PIK3C2G: variants seen among roughly 807,000 people sequenced by gnomAD.
PIK3C2G encodes the protein phosphatidylinositol 3-kinase C2 domain-containing subunit gamma.
Under a neutral mutation model 181.1 loss-of-function variants are expected in PIK3C2G, and 168 were observed. The observed-to-expected ratio is 0.93, with a 90% CI of 0.82 to 1.05. PIK3C2G has a LOEUF of 1.05. PIK3C2G is among the 50% of genes least tolerant of loss of function. PIK3C2G has a pLI of 0.00. For synonymous variants in PIK3C2G, 573 were observed against 592.2 expected (o/e 0.97, Z 0.47); for missense variants, 1,869 against 1,732.8 (o/e 1.08, Z -1.40).
At chr12:18,293,119 A>G (rs538269187) in intron 4 of PIK3C2G, among the ~76,000 whole-genome samples, 14 of 152,152 alleles carry the variant, frequency 9.2e-5, no homozygotes, top group Non-Finnish European at 1.5e-5. Context: ...TAATACTAAC[A>G]TTATATCCCA....
At chr12:18,275,812 T>C (rs1214772992) in intron 1 of PIK3C2G, among the ~76,000 whole-genome samples, 2 of 152,222 alleles carry the variant, frequency 1.3e-5, no homozygotes, top group African/African-American at 4.8e-5. Context: ...TCAGAAAAAC[T>C]GTTACTTCCT....
At chr12:18,636,818 G>A (rs1949624398) in intron 31 of PIK3C2G, among the ~76,000 whole-genome samples, 2 of 152,092 alleles carry the variant, frequency 1.3e-5, no homozygotes, top group Non-Finnish European at 2.9e-5. Flanking sequence ...TCCCCCCAGT[G>A]ACATGGCTTT....
At chr12:18,281,972 A>G in intron 1 of PIK3C2G, 32 bp from the exon 2 acceptor site, 1 of 657,048 alleles carries the variant, frequency 1.5e-6, no homozygotes, top group Non-Finnish European at 2.6e-6. Flanking sequence ...TTCAAATTCA[A>G]TATATTTTCT....
chr12:18,286,867 G>C lies in PIK3C2G; in HGVS notation c.699G>C (p.Gln233His). 6.4e-7 allele frequency: 1 copy of C among 1,561,494 alleles called. No homozygotes were observed. The highest frequency in any genetic ancestry group is 8.7e-7 in the Non-Finnish European group (1 of 1,150,042). Residue 233 changes from glutamine (Q) to histidine (H), a missense_variant, in exon 3 of 33, where the codon CAG (glutamine) becomes CAC (histidine). Transcript: ENST00000538779. Reference sequence around the variant, plus strand: ...TTAAGTCAATAGGTTGTTCCATTCAGCTAGTGGAAGTACCTCAAAGCAGCA... The same window carrying C: ...TTAAGTCAATAGGTTGTTCCATTCACCTAGTGGAAGTACCTCAAAGCAGCA... ...KNIESIGCSI[Q>H]LVEVPQSSNT...
chr12:18,717,996 G>C, the PIK3C2G span, among the ~76,000 whole-genome samples: 1 of 152,106 alleles, frequency 6.6e-6, no homozygotes, highest in African/African-American at 2.4e-5. Flanking sequence ...TCAGCCACAT[G>C]ATCACAAGGG....
chr12:18,339,379 G>T (rs998525287), intron 9 of PIK3C2G, among the ~76,000 whole-genome samples: 2 of 152,062 alleles, frequency 1.3e-5, no homozygotes, highest in African/African-American at 4.8e-5. Flanking sequence ...ATGTCATAAA[G>T]TTGGTATTTT....
At chr12:18,395,601 A>C (rs1269608545) in intron 15 of PIK3C2G, among the ~76,000 whole-genome samples, 1 of 150,248 alleles carries the variant, frequency 6.7e-6, no homozygotes, top group Non-Finnish European at 1.5e-5. Flanking sequence ...AAATATGTAA[A>C]TAAATAAAAA....
the PIK3C2G span, among the ~76,000 whole-genome samples, chr12:18,660,557 AACTGT>A: frequency 8.1e-4 from 124 of 152,244 alleles, no homozygotes; most frequent in African/African-American, 2.9e-3. Flanking sequence ...ATTAGAAAGT[AACTGT>A]GCATGCCCGG....
intron 3 of PIK3C2G, among the ~76,000 whole-genome samples, chr12:18,289,363 GGAGA>G (rs2137181249): frequency 6.6e-6 from 1 of 152,282 alleles, no homozygotes; most frequent in African/African-American, 2.4e-5. Flanking sequence ...CAAAAGTTTA[GGAGA>G]GAATGAATCA....
At chr12:18,525,978 T>C (rs1943206607) in intron 24 of PIK3C2G, among the ~76,000 whole-genome samples, 1 of 152,200 alleles carries the variant, frequency 6.6e-6, no homozygotes, top group Admixed American at 6.5e-5. Flanking sequence ...AATCTCAGCA[T>C]TTTCATCCCA....
At chr12:18,661,315 T>C in the PIK3C2G span, among the ~76,000 whole-genome samples, 3 of 151,330 alleles carry the variant, frequency 2.0e-5, no homozygotes, top group Non-Finnish European at 4.4e-5. Context: ...GAACTCCAAA[T>C]GAGATAACTC....
chr12:18,510,747 T>C (rs1216034367), intron 24 of PIK3C2G, among the ~76,000 whole-genome samples: 1 of 152,216 alleles, frequency 6.6e-6, no homozygotes, highest in Non-Finnish European at 1.5e-5. Flanking sequence ...TTATTTATGA[T>C]TGACAGATCA....
intron 29 of PIK3C2G, among the ~76,000 whole-genome samples, chr12:18,590,697 C>T (rs1299975723): frequency 6.6e-6 from 1 of 151,914 alleles, no homozygotes; most frequent in Non-Finnish European, 1.5e-5. Context: ...AGTCAAGTCT[C>T]AGAAAATTTA....
At chr12:18,465,679 T>G (rs544070396) in intron 18 of PIK3C2G, among the ~76,000 whole-genome samples, 1 of 151,984 alleles carries the variant, frequency 6.6e-6, no homozygotes, top group Admixed American at 6.6e-5. Flanking sequence ...TACTTGTTTC[T>G]TTTTGGATAG....
At chr12:18,349,972 G>A (rs942721052) in intron 11 of PIK3C2G, among the ~76,000 whole-genome samples, 11 of 152,156 alleles carry the variant, frequency 7.2e-5, no homozygotes, top group Admixed American at 1.3e-4. Flanking sequence ...CATGGGTCTC[G>A]ACAGCAGGAA....
rs542327503 is a variant in PIK3C2G, at chr12:18,533,941, C to CTT, written c.3324-4192_3324-4191dup. On this transcript the variant is annotated intron_variant, in intron 24 of 32. Coordinates refer to ENST00000538779, the MANE Select transcript of PIK3C2G (RefSeq NM_001288772.2). ...CAAACTATTAATTGTCCTGCTATTT[C>CTT]TTTTTTTTTTTTTTTTTTTTTTTTC... Among the ~76,000 whole-genome samples, 181 of 91,480 alleles carry CTT rather than the reference C, an allele frequency of 2.0e-3. 7 individuals carry two copies. Among genetic ancestry groups the CTT allele is most frequent in the African/African-American group, 4.7e-3 (108 of 23,008 alleles). 60.0% of individuals were successfully genotyped at this position (91,480 alleles called of 152,430 possible). A position where few individuals can be genotyped will look rare whatever the true frequency, so the allele number is the denominator to read the frequency against.
chr12:18,625,148 T>C (rs1258982422), intron 31 of PIK3C2G, among the ~76,000 whole-genome samples: 12 of 151,800 alleles, frequency 7.9e-5, no homozygotes, highest in Non-Finnish European at 3.0e-5. Flanking sequence ...TTATTTGATA[T>C]TGGCATTTAT....
chr12:18,352,621 G>A (rs896724165), intron 11 of PIK3C2G, among the ~76,000 whole-genome samples: 7 of 152,182 alleles, frequency 4.6e-5, no homozygotes, highest in African/African-American at 2.4e-5. Context: ...TCTGCATCGC[G>A]AGCTGTTGTT....
At chr12:18,439,999 C>T (rs972510570) in intron 18 of PIK3C2G, among the ~76,000 whole-genome samples, 1 of 152,082 alleles carries the variant, frequency 6.6e-6, no homozygotes, top group African/African-American at 2.4e-5. Flanking sequence ...GGATCTACCT[C>T]ACTGTACCTG....
Sources: gnomAD v4.1 joint callset for allele counts (sites outside exome capture counted in the v4.1 genomes callset) on GRCh38, gnomAD v4.1.1 for gene constraint, MANE v1.5 for transcripts, NCBI Gene and HGNC (gene_info 2026-07-23, HGNC 2026-07-21) for gene names.